The following TUSC3 variants were observed in gnomAD, a reference collection of about 807,000 sequenced individuals.
The protein encoded by TUSC3 is tumor suppressor candidate 3.
TUSC3 carries 45 observed loss-of-function variants against 44.8 expected under a neutral mutation model. That is an observed-to-expected ratio of 1.00 (90% CI 0.79 to 1.29). The LOEUF (loss-of-function observed/expected upper bound fraction) is 1.29, where lower values mean the gene tolerates loss of function less well. Among genes scored for constraint, TUSC3 ranks in the 50% most tolerant of loss-of-function variants. The pLI is 0.00. For synonymous variants in TUSC3, 212 were observed against 152.9 expected (o/e 1.39, Z -2.85); for missense variants, 519 against 437.9 (o/e 1.19, Z -1.65).
At chr8:15,829,482 G>A in the TUSC3 span, among the ~76,000 whole-genome samples, 3 of 151,978 alleles carry the variant, frequency 2.0e-5, no homozygotes, top group African/African-American at 7.2e-5. Context: ...GAGCAGTTTC[G>A]TTGCATTACT....
chr8:15,654,544 C>G (rs530496627), intron 3 of TUSC3, among the ~76,000 whole-genome samples: 1 of 152,172 alleles, frequency 6.6e-6, no homozygotes, highest in South Asian at 2.1e-4. Flanking sequence ...CTTGTGTTTA[C>G]AAATCAGTCT....
intron 6 of TUSC3, among the ~76,000 whole-genome samples, chr8:15,678,907 C>T (rs1421204192): frequency 1.3e-5 from 2 of 152,118 alleles, no homozygotes; most frequent in African/African-American, 2.4e-5. Context: ...GAATTTGCAC[C>T]TCTAGCTGCA....
chr8:15,626,893 C>G (rs967490272), intron 2 of TUSC3, among the ~76,000 whole-genome samples: 6 of 152,190 alleles, frequency 3.9e-5, no homozygotes, highest in Admixed American at 6.5e-5. Flanking sequence ...AACCTGGGCA[C>G]CATGAATGGC....
At chr8:15,729,804 C>T (rs551736117) in intron 6 of TUSC3, among the ~76,000 whole-genome samples, 3 of 151,848 alleles carry the variant, frequency 2.0e-5, no homozygotes, top group Non-Finnish European at 2.9e-5. Flanking sequence ...CATCAAATTC[C>T]GGCGACATGC....
Position 15,765,827 on chromosome 8 carries a change from A to AT in TUSC3, c.*1677dup, listed in dbSNP as rs1173232659. Reference sequence around the variant, plus strand: ...ACCTGTAATTCTTAATCCATTGTAGATTTTTTACATTTTACTCAAAACTTC... The same window carrying AT: ...ACCTGTAATTCTTAATCCATTGTAGATTTTTTTACATTTTACTCAAAACTTC... On this transcript the variant is annotated 3_prime_UTR_variant, in exon 11 of 11. Coordinates refer to ENST00000503731, the MANE Select transcript of TUSC3 (RefSeq NM_006765.4). The AT allele has an allele frequency of 1.3e-5, 2 of 152,012 alleles. No individual in the cohort carries two copies. The highest frequency in any genetic ancestry group is 2.4e-5 in the African/African-American group (1 of 41,432). 9.4% of individuals were successfully genotyped at this position (152,012 alleles called of 1,614,324 possible). A position where few individuals can be genotyped will look rare whatever the true frequency, so the allele number is the denominator to read the frequency against.
In TUSC3 at chr8:15,574,182, G is replaced by A. The variant is rs1585115631; in HGVS notation, c.138+33614G>A. On this transcript the variant is annotated intron_variant, in intron 1 of 10. Transcript: ENST00000503731. ...TGTTAGTGTTTTGTGCACAGTGAGT[G>A]CCCTCAGTAATTTATAGTATCTCCC... 2.0e-5 allele frequency among the ~76,000 whole-genome samples: 3 copies of A among 152,178 alleles called. 1 individual carries two copies. Among genetic ancestry groups the A allele is most frequent in the Middle Eastern group, 6.8e-3 (2 of 294 alleles).
intron 1 of TUSC3, among the ~76,000 whole-genome samples, chr8:15,566,446 G>A (rs945324604): frequency 2.0e-5 from 3 of 151,988 alleles, no homozygotes; most frequent in African/African-American, 7.2e-5. Context: ...AAGATGAGGG[G>A]GCCTAAGTTT....
intron 1 of TUSC3, among the ~76,000 whole-genome samples, chr8:15,555,580 G>T (rs1802231310): frequency 2.0e-5 from 3 of 151,428 alleles, no homozygotes; most frequent in Admixed American, 2.0e-4. Flanking sequence ...CAGTATTACA[G>T]TCTTAAAATG....
At chr8:15,494,290 T>G (rs1335823211) in intron 2 of TUSC3, among the ~76,000 whole-genome samples, 1 of 151,376 alleles carries the variant, frequency 6.6e-6, no homozygotes, top group Non-Finnish European at 1.5e-5. Flanking sequence ...CTCAGGCCCC[T>G]GAATCTCCAT....
chr8:15,629,986 C>T (rs1012261293), intron 2 of TUSC3, among the ~76,000 whole-genome samples: 1 of 149,520 alleles, frequency 6.7e-6, no homozygotes, highest in Non-Finnish European at 1.5e-5. Context: ...CTATATAATT[C>T]TCACCTCCCT....
chr8:15,716,462 A>C (rs1810063875), intron 6 of TUSC3, among the ~76,000 whole-genome samples: 1 of 152,104 alleles, frequency 6.6e-6, no homozygotes, highest in Admixed American at 6.6e-5. Flanking sequence ...ATAAAGAAAA[A>C]GAGTTGTGAA....
At chr8:15,502,381 T>G (rs1800978970) in intron 2 of TUSC3, among the ~76,000 whole-genome samples, 1 of 152,360 alleles carries the variant, frequency 6.6e-6, no homozygotes, top group South Asian at 2.1e-4. Context: ...TCAGACTGCT[T>G]TTCAGAATGC....
intron 4 of TUSC3, among the ~76,000 whole-genome samples, chr8:15,661,802 C>CTATA (rs3070914): frequency 1.3e-5 from 2 of 150,002 alleles, no homozygotes; most frequent in African/African-American, 4.9e-5. Flanking sequence ...GCTAGTTTGT[C>CTATA]TATATATATA....
At chr8:15,808,617 A>T in the TUSC3 span, among the ~76,000 whole-genome samples, 1 of 152,190 alleles carries the variant, frequency 6.6e-6, no homozygotes, top group Non-Finnish European at 1.5e-5. Context: ...AGAACATGGA[A>T]GACAGAAGCA....
At chr8:15,570,463 T>C (rs1478410841) in intron 1 of TUSC3, among the ~76,000 whole-genome samples, 1 of 152,168 alleles carries the variant, frequency 6.6e-6, no homozygotes, top group Non-Finnish European at 1.5e-5. Flanking sequence ...GTCATTTTTT[T>C]CCCTGTGTGA....
intron 1 of TUSC3, among the ~76,000 whole-genome samples, chr8:15,550,595 G>C (rs1018191313): frequency 1.3e-5 from 2 of 151,202 alleles, no homozygotes; most frequent in Non-Finnish European, 3.0e-5. Flanking sequence ...CTGTCCTTTC[G>C]CCACTTTCAT....
At chr8:15,474,257 G>C (rs1008324227) in intron 1 of TUSC3, among the ~76,000 whole-genome samples, 3 of 152,088 alleles carry the variant, frequency 2.0e-5, no homozygotes, top group Non-Finnish European at 4.4e-5. Flanking sequence ...AAGGTGAACT[G>C]ATTTCATATT....
At chr8:15,512,509 A>T (rs1036727000) in intron 2 of TUSC3, among the ~76,000 whole-genome samples, 1 of 152,232 alleles carries the variant, frequency 6.6e-6, no homozygotes, top group African/African-American at 2.4e-5. Context: ...ACGGTGGCTC[A>T]CACCTGTAAT....
intron 2 of TUSC3, among the ~76,000 whole-genome samples, chr8:15,532,878 C>T (rs1226998826): frequency 6.6e-6 from 1 of 152,166 alleles, no homozygotes; most frequent in Non-Finnish European, 1.5e-5. Flanking sequence ...CTGCAACCTC[C>T]ACCTCCCAGG....
Sources: gnomAD v4.1 joint callset for allele counts (sites outside exome capture counted in the v4.1 genomes callset) on GRCh38, gnomAD v4.1.1 for gene constraint, MANE v1.5 for transcripts, NCBI Gene and HGNC (gene_info 2026-07-23, HGNC 2026-07-21) for gene names.